PKNOX2: variants seen among roughly 807,000 people sequenced by gnomAD.
PKNOX2 encodes homeobox protein PKNOX2.
In PKNOX2, 14 loss-of-function variants were observed where a neutral mutation model predicts 53.1. The ratio of observed to expected loss-of-function variants is 0.26; its 90% CI spans 0.17 to 0.41. The LOEUF is 0.41. Among genes scored for constraint, PKNOX2 ranks in the 10% least tolerant of loss-of-function variants. PKNOX2 has a pLI of 1.00. For synonymous variants in PKNOX2, 257 were observed against 242.8 expected, an observed-to-expected ratio of 1.06 and a Z score of -0.54; for missense variants, 496 against 602.8, an observed-to-expected ratio of 0.82 and a Z score of 1.85.
intron 3 of PKNOX2, among the ~76,000 whole-genome samples, chr11:125,348,148 G>A (rs1479311387): frequency 6.6e-6 from 1 of 152,188 alleles, no homozygotes; most frequent in African/African-American, 2.4e-5. Flanking sequence ...ACACCCCACT[G>A]CAAAGTCCCA....
intron 2 of PKNOX2, among the ~76,000 whole-genome samples, chr11:125,311,961 C>T (rs1948833916): frequency 6.6e-6 from 1 of 152,168 alleles, no homozygotes; most frequent in African/African-American, 2.4e-5. Context: ...AGCGAGATCA[C>T]ACCACTGTAC....
At chr11:125,261,505 C>A (rs867127164) in intron 2 of PKNOX2, among the ~76,000 whole-genome samples, 77 of 152,184 alleles carry the variant, frequency 5.1e-4, no homozygotes, top group Non-Finnish European at 1.9e-4. Context: ...TTTAAGACTG[C>A]AAACTTCTGG....
At chr11:125,359,813 G>C (rs1951824028) in intron 4 of PKNOX2, among the ~76,000 whole-genome samples, 1 of 152,326 alleles carries the variant, frequency 6.6e-6, no homozygotes, top group East Asian at 1.9e-4. Flanking sequence ...GGCCCTCCTG[G>C]GGCTGGCTGG....
intron 2 of PKNOX2, among the ~76,000 whole-genome samples, chr11:125,253,857 T>C (rs555853937): frequency 6.6e-6 from 1 of 152,206 alleles, no homozygotes; most frequent in South Asian, 2.1e-4. Context: ...TGCCCCAGAT[T>C]GGACTCAGCT....
At chr11:125,286,993 C>A (rs1015431906) in intron 2 of PKNOX2, among the ~76,000 whole-genome samples, 2 of 152,232 alleles carry the variant, frequency 1.3e-5, no homozygotes, top group Non-Finnish European at 2.9e-5. Flanking sequence ...GATCCTGCAG[C>A]TCACTTGATC....
intron 2 of PKNOX2, among the ~76,000 whole-genome samples, chr11:125,264,602 A>G (rs894942743): frequency 6.6e-6 from 1 of 152,064 alleles, no homozygotes; most frequent in African/African-American, 2.4e-5. Flanking sequence ...GGGGCTGCCC[A>G]GCTGTCTTGA....
chr11:125,407,809 A>G (rs1955208151), intron 7 of PKNOX2, among the ~76,000 whole-genome samples: 1 of 152,126 alleles, frequency 6.6e-6, no homozygotes, highest in African/African-American at 2.4e-5. Flanking sequence ...TAATATCAGC[A>G]CGGTTTACAC....
At chr11:125,354,190 C>T (rs926613895) in intron 4 of PKNOX2, among the ~76,000 whole-genome samples, 3 of 152,268 alleles carry the variant, frequency 2.0e-5, no homozygotes, top group South Asian at 4.1e-4. Context: ...GAGACTGCTG[C>T]ATTTCCCTTC....
At chr11:125,322,093 T>A (rs1949545157) in intron 2 of PKNOX2, among the ~76,000 whole-genome samples, 1 of 151,882 alleles carries the variant, frequency 6.6e-6, no homozygotes, top group South Asian at 2.1e-4. Context: ...GACCATAGGG[T>A]GTGGTTTGCC....
chr11:125,338,125 C>G (rs1295817090), intron 3 of PKNOX2, among the ~76,000 whole-genome samples: 1 of 152,202 alleles, frequency 6.6e-6, no homozygotes, highest in Non-Finnish European at 1.5e-5. Context: ...CGCTCTCTGT[C>G]CCCCTTGGGG....
intron 2 of PKNOX2, among the ~76,000 whole-genome samples, chr11:125,269,001 C>T (rs575078774): frequency 6.6e-6 from 1 of 152,218 alleles, no homozygotes; most frequent in South Asian, 2.1e-4. Context: ...TGTTCTCATG[C>T]CCCTTTTTAC....
At chr11:125,266,292 G>A (rs1017997749) in intron 2 of PKNOX2, among the ~76,000 whole-genome samples, 7 of 152,106 alleles carry the variant, frequency 4.6e-5, no homozygotes, top group Admixed American at 2.0e-4. Flanking sequence ...AAGGTCACAC[G>A]GCCAGTCACC....
chr11:125,322,189 C>G (rs1348355041), intron 2 of PKNOX2, among the ~76,000 whole-genome samples: 1 of 151,174 alleles, frequency 6.6e-6, no homozygotes, highest in Non-Finnish European at 1.5e-5. Flanking sequence ...AATACCTGCA[C>G]TAAAGATGTG....
Position 125,370,255 on chromosome 11 carries a change from G to A in PKNOX2, c.227+2270G>A, listed in dbSNP as rs994815534. ...GGCCCGTGGAGGCACCTGGCCCTGC[G>A]TCCAGCACCAAACAGAGGGTTTACT... On this transcript the variant is annotated intron_variant, in intron 5 of 12. Transcript: ENST00000298282. The surrounding 1 kb of genome is among the most constrained non-coding windows in gnomAD (Gnocchi z 4.1). 7.9e-5 allele frequency among the ~76,000 whole-genome samples: 12 copies of A among 152,222 alleles called. No homozygotes were observed. The highest frequency in any genetic ancestry group is 3.4e-3 in the Middle Eastern group (1 of 292).
At position 125,265,531 on chromosome 11, in the gene PKNOX2, C is replaced by T. The variant is rs1477664494; in HGVS notation, c.-130+30416C>T. Among the ~76,000 whole-genome samples, 4 of 152,330 alleles carry T rather than the reference C, an allele frequency of 2.6e-5. No individual in the cohort carries two copies. The South Asian group carries it at 8.3e-4, about 32-fold the overall frequency. ...CCTCCTTCAGTGGACGCATCCCTGA[C>T]ACTGTTCTCTGCCCCATGGCCTCTG... is the stretch of plus-strand genomic sequence containing the variant. On this transcript the variant is annotated intron_variant, in intron 2 of 12. Transcript: ENST00000298282.
chr11:125,377,471 G>A (rs1174841014), intron 5 of PKNOX2, among the ~76,000 whole-genome samples: 1 of 152,174 alleles, frequency 6.6e-6, no homozygotes, highest in African/African-American at 2.4e-5. Context: ...GAATTCAGGT[G>A]GAAGGAGCAG....
intron 5 of PKNOX2, among the ~76,000 whole-genome samples, chr11:125,372,327 C>A (rs1366479941): frequency 6.6e-6 from 1 of 152,180 alleles, no homozygotes; most frequent in African/African-American, 2.4e-5. Flanking sequence ...TGCCTCAAAG[C>A]CCAAACCCCA....
At chr11:125,195,160 A>C (rs561880419) in intron 1 of PKNOX2, among the ~76,000 whole-genome samples, 3 of 152,250 alleles carry the variant, frequency 2.0e-5, no homozygotes, top group East Asian at 3.9e-4. Context: ...GAGGGCATTC[A>C]TTATGACCGT....
At chr11:125,311,349 C>T (rs574579118) in intron 2 of PKNOX2, among the ~76,000 whole-genome samples, 2 of 152,236 alleles carry the variant, frequency 1.3e-5, no homozygotes, top group South Asian at 4.1e-4. Flanking sequence ...ACCTCTTACG[C>T]CCAAGGCACA....
Sources: allele counts gnomAD v4.1 joint callset (sites outside exome capture counted in the v4.1 genomes callset), GRCh38; gene constraint gnomAD v4.1.1; non-coding constraint Gnocchi (gnomAD v3.1); transcripts MANE v1.5; gene names NCBI Gene and HGNC (gene_info 2026-07-23, HGNC 2026-07-21).